MB21D2: variants seen among roughly 807,000 people sequenced by gnomAD.
The protein encoded by MB21D2 is Mab-21 domain containing 2, also known as nucleotidyltransferase MB21D2.
A neutral mutation model predicts 33.3 loss-of-function variants in MB21D2; 9 were observed. The ratio of observed to expected loss-of-function variants is 0.27; its 90% CI spans 0.16 to 0.47. The LOEUF (loss-of-function observed/expected upper bound fraction) is 0.47, where lower values mean the gene tolerates loss of function less well. MB21D2 is among the 20% of genes least tolerant of loss of function. The pLI is 0.99. For missense variants in MB21D2, 540 were observed against 624.6 expected, an observed-to-expected ratio of 0.86 and a Z score of 1.44; for synonymous variants, 241 against 236.3, an observed-to-expected ratio of 1.02 and a Z score of -0.18.
chr3:192,849,647 C>T (rs1560238671), intron 1 of MB21D2, among the ~76,000 whole-genome samples: 1 of 152,182 alleles, frequency 6.6e-6, no homozygotes, highest in Non-Finnish European at 1.5e-5. Context: ...ATATTTCAAC[C>T]ACTTTATATC....
At chr3:192,847,538 G>C (rs983552729) in intron 1 of MB21D2, among the ~76,000 whole-genome samples, 4 of 152,108 alleles carry the variant, frequency 2.6e-5, no homozygotes, top group African/African-American at 9.7e-5. Flanking sequence ...TGAGATGGCC[G>C]GTGACACACA....
intron 1 of MB21D2, among the ~76,000 whole-genome samples, chr3:192,822,994 T>C (rs1057124356): frequency 6.6e-6 from 1 of 152,220 alleles, no homozygotes; most frequent in Non-Finnish European, 1.5e-5. Flanking sequence ...CAACATTCAG[T>C]TGACATTCAA....
chr3:192,829,656 C>T (rs1292317108), intron 1 of MB21D2, among the ~76,000 whole-genome samples: 2 of 152,160 alleles, frequency 1.3e-5, no homozygotes, highest in Admixed American at 6.5e-5. Flanking sequence ...GACAGGATCT[C>T]GCTCTGTTTC....
chr3:192,901,475 T>C (rs1714101439), intron 1 of MB21D2, among the ~76,000 whole-genome samples: 1 of 147,328 alleles, frequency 6.8e-6, no homozygotes, highest in East Asian at 2.0e-4. Context: ...AGGTTGGGAA[T>C]GGGGCTTCTC....
intron 1 of MB21D2, among the ~76,000 whole-genome samples, chr3:192,901,412 T>TA (rs1714098442): frequency 9.0e-6 from 1 of 111,126 alleles, no homozygotes; most frequent in Non-Finnish European, 1.8e-5. Flanking sequence ...TACTAAAAAT[T>TA]CAAAAAAAAA....
At chr3:192,856,148 T>C (rs1417353971) in intron 1 of MB21D2, among the ~76,000 whole-genome samples, 1 of 152,180 alleles carries the variant, frequency 6.6e-6, no homozygotes, top group African/African-American at 2.4e-5. Flanking sequence ...GTTTCCAATG[T>C]TCAGAATAAA....
Position 192,821,616 on chromosome 3 carries a change from GA to G in MB21D2, c.212-21967del, listed in dbSNP as rs745467594. Among the ~76,000 whole-genome samples the G allele has an allele frequency of 9.2e-5, 14 of 152,282 alleles. No individual in the cohort carries two copies. In the East Asian group the frequency reaches 1.2e-3, roughly 13 times the overall value. ...TAGGTTCATTGTCACGATTAAAAGG[GA>G]AACTGGAAATTGCTTTCTGGAAGTT... is the stretch of plus-strand genomic sequence containing the variant. On this transcript the variant is annotated intron_variant, in intron 1 of 1. Coordinates refer to ENST00000392452, the MANE Select transcript of MB21D2 (RefSeq NM_178496.4).
chr3:192,916,848 T>C (rs1714477640), intron 1 of MB21D2, among the ~76,000 whole-genome samples: 1 of 152,092 alleles, frequency 6.6e-6, no homozygotes, highest in African/African-American at 2.4e-5. Context: ...TCTGGGCACC[T>C]CTTTCGGCCA....
At chr3:192,864,694 AT>A (rs2108635188) in intron 1 of MB21D2, among the ~76,000 whole-genome samples, 1 of 152,152 alleles carries the variant, frequency 6.6e-6, no homozygotes, top group South Asian at 2.1e-4. Context: ...TTTAGTAGAG[AT>A]GGTGTTTCGC....
intron 1 of MB21D2, among the ~76,000 whole-genome samples, chr3:192,834,437 A>AGAAG (rs1452339327): frequency 1.3e-5 from 2 of 149,826 alleles, no homozygotes; most frequent in African/African-American, 4.9e-5. Context: ...AAAAAAAAAA[A>AGAAG]AAGAAGAAGA....
rs938058039 is a variant in MB21D2, at chr3:192,883,957, A to G, written c.211+33673T>C. ...GAAGGCAACCATCAAATCTAGATCA[A>G]ATCTCACAACCCTCTCAAGCTTGAT... On this transcript the variant is annotated intron_variant, in intron 1 of 1. Coordinates refer to ENST00000392452, the MANE Select transcript of MB21D2 (RefSeq NM_178496.4). 9.9e-5 allele frequency among the ~76,000 whole-genome samples: 15 copies of G among 152,086 alleles called. 1 individual carries two copies. The highest frequency in any genetic ancestry group is 3.6e-4 in the African/African-American group (15 of 41,342).
At chr3:192,826,822 C>G (rs1324050865) in intron 1 of MB21D2, among the ~76,000 whole-genome samples, 1 of 151,982 alleles carries the variant, frequency 6.6e-6, no homozygotes, top group African/African-American at 2.4e-5. Flanking sequence ...TTGGGGAGGA[C>G]AGCTTCCTTT....
At chr3:192,884,863 T>A (rs138262250) in intron 1 of MB21D2, among the ~76,000 whole-genome samples, 2 of 152,078 alleles carry the variant, frequency 1.3e-5, no homozygotes, top group African/African-American at 4.8e-5. Flanking sequence ...GACAAATCCA[T>A]GAATCACTCA....
Position 192,869,318 on chromosome 3 carries a change from G to GAGGGAAGGAGGGAAAA in MB21D2, c.211+48311_211+48312insTTTTCCCTCCTTCCCT, listed in dbSNP as rs374294536. On this transcript the variant is annotated intron_variant, in intron 1 of 1. Transcript: ENST00000392452. ...GGAGGGGAGGAGGGAAGGAGGGAAG[G>GAGGGAAGGAGGGAAAA]AGGGAAAAAGGGAAGGAGGGAAGGG... 5.9e-3 allele frequency among the ~76,000 whole-genome samples: 802 copies of GAGGGAAGGAGGGAAAA among 136,670 alleles called. 13 individuals carry two copies. Among genetic ancestry groups the GAGGGAAGGAGGGAAAA allele is most frequent in the African/African-American group, 0.023 (766 of 33,698 alleles). The allele number at this position is 136,670 out of a possible 152,430, so 89.7% of individuals were successfully genotyped here. A position where few individuals can be genotyped will look rare whatever the true frequency, so the allele number is the denominator to read the frequency against.
intron 1 of MB21D2, among the ~76,000 whole-genome samples, chr3:192,823,828 AGATT>A (rs1712110839): frequency 6.6e-6 from 1 of 152,226 alleles, no homozygotes; most frequent in African/African-American, 2.4e-5. Context: ...TAAAACTGAC[AGATT>A]AACAGAGTAA....
intron 1 of MB21D2, among the ~76,000 whole-genome samples, chr3:192,834,348 C>CA (rs1329248840): frequency 1.5e-5 from 2 of 131,466 alleles, no homozygotes; most frequent in African/African-American, 5.7e-5. Flanking sequence ...ACAAAACAAA[C>CA]AAAAAAACCC....
At chr3:192,875,453 A>C (rs1396429822) in intron 1 of MB21D2, among the ~76,000 whole-genome samples, 3 of 152,170 alleles carry the variant, frequency 2.0e-5, no homozygotes, top group Non-Finnish European at 4.4e-5. Context: ...AAAGAACATA[A>C]AGCTTGAATT....
intron 1 of MB21D2, among the ~76,000 whole-genome samples, chr3:192,858,225 A>G (rs9812883): frequency 0.51 from 77,684 of 151,948 alleles, 20,667 homozygotes; most frequent in East Asian, 0.76. Flanking sequence ...ATATCATAAG[A>G]GACACATGGG....
chr3:192,915,926 A>G (rs1714453328), intron 1 of MB21D2, among the ~76,000 whole-genome samples: 1 of 152,032 alleles, frequency 6.6e-6, no homozygotes, highest in Non-Finnish European at 1.5e-5. Context: ...TATTAACACA[A>G]TGGCAGACTT....
Sources: gnomAD v4.1 joint callset for allele counts (sites outside exome capture counted in the v4.1 genomes callset) on GRCh38, gnomAD v4.1.1 for gene constraint, MANE v1.5 for transcripts, NCBI Gene and HGNC (gene_info 2026-07-23, HGNC 2026-07-21) for gene names.